The following AKAP13 variants were observed in gnomAD, a reference collection of about 807,000 sequenced individuals.
AKAP13 encodes A-kinase anchor protein 13.
In AKAP13, 80 loss-of-function variants were observed where a neutral mutation model predicts 264.5. The observed-to-expected ratio is 0.30, with a 90% CI of 0.25 to 0.36. AKAP13 has a LOEUF of 0.36. AKAP13 is among the 10% of genes least tolerant of loss of function. The pLI, the probability that AKAP13 is intolerant of heterozygous loss-of-function variation, is 1.00. For missense variants in AKAP13, 3,712 were observed against 3,435.2 expected (o/e 1.08, Z -2.01); for synonymous variants, 1,380 against 1,250.2 (o/e 1.10, Z -2.19).
At chr15:85,382,899 G>A (rs558706554) in intron 1 of AKAP13, among the ~76,000 whole-genome samples, 85 of 152,322 alleles carry the variant, frequency 5.6e-4, no homozygotes, top group African/African-American at 1.9e-3. Context: ...TGTCCAGAAT[G>A]ACAGTTCACT....
chr15:85,387,221 A>G (rs893329617), intron 1 of AKAP13, among the ~76,000 whole-genome samples: 2 of 152,102 alleles, frequency 1.3e-5, no homozygotes, highest in South Asian at 4.2e-4. Context: ...CTGTAATCCC[A>G]GCTACTTGGG....
intron 23 of AKAP13, among the ~76,000 whole-genome samples, 156 bp downstream of exon 23, chr15:85,719,482 C>T (rs1317914026): frequency 6.6e-6 from 1 of 152,116 alleles, no homozygotes; most frequent in Non-Finnish European, 1.5e-5. Context: ...ATTTCCTTTT[C>T]TGTAAAATGC....
At chr15:85,721,294 A>G (rs1214091817) in intron 23 of AKAP13, among the ~76,000 whole-genome samples, 1 of 152,158 alleles carries the variant, frequency 6.6e-6, no homozygotes, top group Non-Finnish European at 1.5e-5. Flanking sequence ...CAGCTCCTCC[A>G]TTGGTAAATG....
chr15:85,743,974 C>G (rs1567227877), intron 36 of AKAP13, 149 bp downstream of exon 36: 1 of 880,938 alleles, frequency 1.1e-6, no homozygotes, highest in Non-Finnish European at 1.7e-6. Context: ...GCTCCGCTTG[C>G]TAAGAGCACT....
chr15:85,498,197 G>GATATATAT lies in AKAP13; in HGVS notation c.33+12445_33+12446insTATATATA, dbSNP rs1491342478. 3.3e-3 allele frequency among the ~76,000 whole-genome samples: 100 copies of GATATATAT among 30,076 alleles called. 1 individual carries two copies. Among genetic ancestry groups the GATATATAT allele is most frequent in the Middle Eastern group, 0.015 (1 of 66 alleles). 19.7% of individuals were successfully genotyped at this position (30,076 alleles called of 152,430 possible). ...TGTGGTAGTAAGGATTAAATGAAGT[G>GATATATAT]AGATATATATATATATATATATATA... On this transcript the variant is annotated intron_variant, in intron 2 of 36. Coordinates refer to ENST00000394518, the MANE Select transcript of AKAP13 (RefSeq NM_007200.5).
intron 1 of AKAP13, among the ~76,000 whole-genome samples, chr15:85,410,378 C>G (rs970384907): frequency 1.3e-5 from 2 of 151,608 alleles, no homozygotes; most frequent in African/African-American, 4.9e-5. Context: ...CAAAATAGGT[C>G]TTCTGCTTCA....
At chr15:85,485,637 G>C in intron 1 of AKAP13, 73 bp from the exon 2 acceptor site, 1 of 1,333,394 alleles carries the variant, frequency 7.5e-7, no homozygotes, top group East Asian at 2.3e-5. Flanking sequence ...TTGACACCTA[G>C]GACTTTAGGT....
intron 17 of AKAP13, among the ~76,000 whole-genome samples, chr15:85,704,521 T>G (rs2086117899): frequency 6.6e-6 from 1 of 152,230 alleles, no homozygotes; most frequent in Admixed American, 6.5e-5. Flanking sequence ...AACTTCATTT[T>G]CTTTGGTTTG....
intron 5 of AKAP13, among the ~76,000 whole-genome samples, chr15:85,551,910 C>T (rs971485848): frequency 4.6e-5 from 7 of 152,110 alleles, no homozygotes; most frequent in African/African-American, 9.7e-5. Context: ...TTTTCTTAAA[C>T]GCATACCAAT....
intron 6 of AKAP13, among the ~76,000 whole-genome samples, chr15:85,575,908 C>T (rs372086866): frequency 8.5e-5 from 13 of 152,308 alleles, no homozygotes; most frequent in Non-Finnish European, 5.9e-5. Context: ...ATCATGTGAG[C>T]CTGGGAGGCA....
chr15:85,726,183 T>A (rs2087605934), intron 26 of AKAP13: 1 of 446,016 alleles, frequency 2.2e-6, no homozygotes, highest in African/African-American at 2.0e-5. Flanking sequence ...AAACAAGGCT[T>A]TGGTGATAAA....
chr15:85,665,699 C>CCG (rs937069170), intron 13 of AKAP13, among the ~76,000 whole-genome samples: 1 of 152,092 alleles, frequency 6.6e-6, no homozygotes, highest in African/African-American at 2.4e-5. Flanking sequence ...ACACAACAGG[C>CCG]CCCGGTGTGT....
chr15:85,521,415 T>C lies in AKAP13; in HGVS notation c.34-13T>C. On this transcript the variant is annotated splice_polypyrimidine_tract_variant and intron_variant, in intron 2 of 36. Transcript: ENST00000394518. ...TTACTAATGTAAACTTGCTATATTG[T>C]TTCCTTTCCTAGGGTGATTGTGTTG... 2 of 1,613,380 alleles carry C rather than the reference T, an allele frequency of 1.2e-6. No individual in the cohort carries two copies. Among genetic ancestry groups the C allele is most frequent in the Non-Finnish European group, 1.7e-6 (2 of 1,179,576 alleles).
chr15:85,419,656 T>C (rs2072419782), intron 1 of AKAP13, among the ~76,000 whole-genome samples: 1 of 152,278 alleles, frequency 6.6e-6, no homozygotes, highest in African/African-American at 2.4e-5. Flanking sequence ...TGTAGAGAGA[T>C]GGTTAACCAG....
At position 85,580,040 on chromosome 15, in the gene AKAP13, G is replaced by T. The variant is rs989508959; in HGVS notation, c.1972G>T (p.Asp658Tyr). ...KSSPICSTTG[D>Y]DKLCADSACQ... ...CTCACCCATTTGTTCTACAACTGGA[G>T]ACGATAAACTTTGTGCAGACTCTGC... Residue 658 changes from aspartate (D) to tyrosine (Y), a missense_variant, in exon 7 of 37, where the codon GAC becomes TAC. Asp to Tyr is a radical substitution (Grantham distance 160). Around this residue, in one of 3 missense-constraint regions of AKAP13, gnomAD observed 2,759 missense variants for 2,411.7 expected, o/e 1.14. Coordinates refer to ENST00000394518, the MANE Select transcript of AKAP13 (RefSeq NM_007200.5). 3 of 1,614,060 alleles carry T rather than the reference G, an allele frequency of 1.9e-6. No individual in the cohort carries two copies. Among genetic ancestry groups the T allele is most frequent in the East Asian group, 2.2e-5 (1 of 44,902 alleles).
intron 5 of AKAP13, among the ~76,000 whole-genome samples, chr15:85,562,268 A>T (rs1567126273): frequency 3.3e-5 from 5 of 152,176 alleles, no homozygotes. Flanking sequence ...TATGCATATT[A>T]AGAATATATA....
chr15:85,538,731 C>G (rs2077485193), intron 4 of AKAP13, among the ~76,000 whole-genome samples: 1 of 151,464 alleles, frequency 6.6e-6, no homozygotes, highest in Non-Finnish European at 1.5e-5. Flanking sequence ...CCTCGTGATC[C>G]TCCCGCCTCG....
intron 1 of AKAP13, among the ~76,000 whole-genome samples, chr15:85,460,437 C>T (rs1157595010): frequency 6.6e-6 from 1 of 152,190 alleles, no homozygotes; most frequent in African/African-American, 2.4e-5. Context: ...AACCCTGTCA[C>T]CCCCAGCCTG....
chr15:85,550,988 C>G (rs2077943090), intron 5 of AKAP13, among the ~76,000 whole-genome samples: 1 of 152,142 alleles, frequency 6.6e-6, no homozygotes, highest in Non-Finnish European at 1.5e-5. Flanking sequence ...CTCAGCAAAC[C>G]TCGGGGAGGC....
Sources: gnomAD v4.1 joint callset for allele counts (sites outside exome capture counted in the v4.1 genomes callset) on GRCh38, gnomAD v4.1.1 for gene constraint, gnomAD v4.1.1 regional missense constraint, MANE v1.5 for transcripts, NCBI Gene and HGNC (gene_info 2026-07-23, HGNC 2026-07-21) for gene names.